Variants in NREP observed in about 807,000 individuals in gnomAD.
NREP encodes the protein neuronal regeneration-related protein.
A neutral mutation model predicts 8.6 loss-of-function variants in NREP; 5 were observed. The ratio of observed to expected loss-of-function variants is 0.58; its 90% CI spans 0.30 to 1.22. The LOEUF is 1.22. NREP is among the 50% of genes most tolerant of loss of function. The pLI is 0.07. For missense variants in NREP, 86 were observed against 82.5 expected (o/e 1.04, Z -0.17); for synonymous variants, 27 against 28.0 (o/e 0.96, Z 0.11).
intron 2 of NREP, among the ~76,000 whole-genome samples, chr5:111,837,469 T>G (rs1752923352): frequency 6.6e-6 from 1 of 152,046 alleles, no homozygotes; most frequent in African/African-American, 2.4e-5. Context: ...GATAATGATA[T>G]TCAAAAAGAG....
At chr5:111,924,686 G>C (rs1190966933) in intron 2 of NREP, among the ~76,000 whole-genome samples, 1 of 152,120 alleles carries the variant, frequency 6.6e-6, no homozygotes, top group Non-Finnish European at 1.5e-5. Context: ...TTCTTCTTCA[G>C]ATTATTAATA....
intron 2 of NREP, among the ~76,000 whole-genome samples, chr5:111,809,091 C>T (rs1431397413): frequency 1.3e-5 from 2 of 152,154 alleles, no homozygotes; most frequent in Non-Finnish European, 2.9e-5. Context: ...ACTTTAATGA[C>T]TACATAATAA....
intron 1 of NREP, among the ~76,000 whole-genome samples, chr5:111,975,624 C>A (rs1208715216): frequency 6.6e-6 from 1 of 151,950 alleles, no homozygotes; most frequent in Non-Finnish European, 1.5e-5. Flanking sequence ...AGGTGTTTGA[C>A]AAAGAAAATG....
chr5:111,803,618 T>A (rs982254903), intron 2 of NREP, among the ~76,000 whole-genome samples: 1 of 152,228 alleles, frequency 6.6e-6, no homozygotes, highest in African/African-American at 2.4e-5. Context: ...AAAGACAAAG[T>A]TGCATTTTAA....
intron 2 of NREP, among the ~76,000 whole-genome samples, chr5:111,958,062 TAAC>T (rs1207534330): frequency 6.6e-6 from 1 of 151,826 alleles, no homozygotes; most frequent in Non-Finnish European, 1.5e-5. Flanking sequence ...CCTTATGAAA[TAAC>T]AAACTTTAGA....
intron 2 of NREP, among the ~76,000 whole-genome samples, chr5:111,897,254 T>C (rs1029899119): frequency 6.6e-6 from 1 of 152,182 alleles, no homozygotes; most frequent in African/African-American, 2.4e-5. Flanking sequence ...TTACACAATT[T>C]TCCCAGGGCC....
chr5:111,935,821 C>T (rs542794424), intron 2 of NREP, among the ~76,000 whole-genome samples: 8 of 152,006 alleles, frequency 5.3e-5, no homozygotes, highest in Non-Finnish European at 1.0e-4. Flanking sequence ...TGATAGGAGG[C>T]TGTACTAGTT....
At chr5:111,769,722 T>C (rs1751172694) in intron 2 of NREP, among the ~76,000 whole-genome samples, 1 of 152,172 alleles carries the variant, frequency 6.6e-6, no homozygotes, top group Admixed American at 6.5e-5. Context: ...CCCGTCTTAC[T>C]ATGGTGGAGC....
rs149057121 is a variant in NREP at position 111,845,784 on chromosome 5, G to A, written c.136-110277C>T. On this transcript the variant is annotated intron_variant, in intron 2 of 3. Transcript: ENST00000395634. ...AAACAGGACTAACATGACCAAAGGT[G>A]TTACAGAGTGCATGTAATTCTGACA... 2.5e-3 allele frequency among the ~76,000 whole-genome samples: 379 copies of A among 151,808 alleles called. 3 individuals carry two copies. The highest frequency in any genetic ancestry group is 8.8e-3 in the African/African-American group (363 of 41,414).
At chr5:111,841,811 G>T (rs1309962943) in intron 2 of NREP, among the ~76,000 whole-genome samples, 1 of 152,206 alleles carries the variant, frequency 6.6e-6, no homozygotes, top group East Asian at 1.9e-4. Flanking sequence ...GTAGAGATAA[G>T]AAAATTTTGG....
At chr5:111,954,468 C>CA (rs1199604408) in intron 2 of NREP, among the ~76,000 whole-genome samples, 3 of 152,034 alleles carry the variant, frequency 2.0e-5, no homozygotes, top group African/African-American at 7.2e-5. Context: ...TTCTGAGCTC[C>CA]AAAAATTGTT....
At chr5:111,872,840 CTTCTCAGAAGTTT>C (rs1418740957) in intron 2 of NREP, among the ~76,000 whole-genome samples, 1 of 152,170 alleles carries the variant, frequency 6.6e-6, no homozygotes, top group Non-Finnish European at 1.5e-5. Flanking sequence ...AGCCCTAACA[CTTCTCAGAAGTTT>C]TCCTGGATTA....
At chr5:111,855,371 C>A (rs1276185522) in intron 2 of NREP, among the ~76,000 whole-genome samples, 1 of 152,180 alleles carries the variant, frequency 6.6e-6, no homozygotes, top group Non-Finnish European at 1.5e-5. Flanking sequence ...GTTGTCGGCA[C>A]AGGTAATTAA....
intron 2 of NREP, among the ~76,000 whole-genome samples, chr5:111,860,236 G>A (rs1403209143): frequency 6.6e-6 from 1 of 151,974 alleles, no homozygotes; most frequent in East Asian, 1.9e-4. Context: ...CTCCACAAAT[G>A]ATACCACTGT....
intron 2 of NREP, among the ~76,000 whole-genome samples, chr5:111,828,696 T>C (rs757239114): frequency 1.3e-5 from 2 of 152,278 alleles, no homozygotes. Context: ...AATAATAATC[T>C]AGATACTTGG....
intron 2 of NREP, among the ~76,000 whole-genome samples, chr5:111,831,817 C>T (rs572583190): frequency 4.6e-5 from 7 of 152,286 alleles, no homozygotes; most frequent in South Asian, 2.1e-4. Context: ...CTGGTTGGCA[C>T]GCCCTCAAGA....
chr5:111,950,822 G>T (rs529817634), intron 2 of NREP, among the ~76,000 whole-genome samples: 1 of 151,886 alleles, frequency 6.6e-6, no homozygotes, highest in Admixed American at 6.6e-5. Context: ...ATCACCCTAG[G>T]GACTTTTAAA....
chr5:111,909,219 A>G (rs1561722012), intron 2 of NREP, among the ~76,000 whole-genome samples: 1 of 152,020 alleles, frequency 6.6e-6, no homozygotes, highest in East Asian at 1.9e-4. Context: ...ATAAGAGATA[A>G]TTAAGTTGCA....
intron 2 of NREP, among the ~76,000 whole-genome samples, chr5:111,870,960 A>G (rs568709376): frequency 6.6e-6 from 1 of 152,228 alleles, no homozygotes; most frequent in East Asian, 1.9e-4. Flanking sequence ...TGAAACTAAC[A>G]CAAGGCATAA....
Sources: gnomAD v4.1 joint callset for allele counts (sites outside exome capture counted in the v4.1 genomes callset) on GRCh38, gnomAD v4.1.1 for gene constraint, MANE v1.5 for transcripts, NCBI Gene and HGNC (gene_info 2026-07-23, HGNC 2026-07-21) for gene names.